PIEZO2: variants seen among roughly 807,000 people sequenced by gnomAD.
PIEZO2 encodes the protein piezo type mechanosensitive ion channel component 2, also known as piezo-type mechanosensitive ion channel component 2.
A neutral mutation model predicts 337.3 loss-of-function variants in PIEZO2; 172 were observed. The ratio of observed to expected loss-of-function variants is 0.51; its 90% CI spans 0.45 to 0.58. The LOEUF (loss-of-function observed/expected upper bound fraction) is 0.58. Among genes scored for constraint, PIEZO2 ranks in the 20% least tolerant of loss-of-function variants. The pLI is 0.00. For missense variants in PIEZO2, 3,028 were observed against 3,391.3 expected (o/e 0.89, Z 2.66); for synonymous variants, 1,251 against 1,228.5 (o/e 1.02, Z -0.38).
intron 5 of PIEZO2, 85 bp from the exon 6 acceptor site, chr18:10,857,296 C>A: frequency 2.6e-6 from 3 of 1,164,136 alleles, no homozygotes; most frequent in South Asian, 1.4e-5. Flanking sequence ...ATTCATGGGT[C>A]AGTCAACGTG....
intron 4 of PIEZO2, among the ~76,000 whole-genome samples, chr18:10,904,360 A>G (rs932998917): frequency 1.4e-4 from 21 of 152,240 alleles, no homozygotes; most frequent in African/African-American, 4.8e-4. Context: ...AATCTTGGGT[A>G]AAATACTTAA....
intron 3 of PIEZO2, among the ~76,000 whole-genome samples, chr18:10,951,001 CAGCTGAGAAGCTGGGGGAAA>C (rs2033266699): frequency 6.6e-6 from 1 of 152,160 alleles, no homozygotes; most frequent in African/African-American, 2.4e-5. Context: ...CCAACTGAAA[CAGCTGAGAAGCTGGGGGAAA>C]AAAACACTCA....
chr18:10,704,737 T>C, intron 41 of PIEZO2, 85 bp from the exon 42 acceptor site: 1 of 1,438,994 alleles, frequency 6.9e-7, no homozygotes, highest in African/African-American at 1.4e-5. Flanking sequence ...CAGGCTGGAG[T>C]GCAATGGCGT....
At chr18:10,728,853 G>T (rs1769520543) in intron 36 of PIEZO2, among the ~76,000 whole-genome samples, 1 of 151,424 alleles carries the variant, frequency 6.6e-6, no homozygotes, top group African/African-American at 2.4e-5. Context: ...TACGTGGGAG[G>T]CTGAGGCAGA....
intron 7 of PIEZO2, among the ~76,000 whole-genome samples, chr18:10,852,500 A>G (rs994435596): frequency 6.6e-6 from 1 of 152,218 alleles, no homozygotes; most frequent in African/African-American, 2.4e-5. Context: ...CTGTATAGAC[A>G]CAGTCAGCCA....
In PIEZO2 at chr18:10,724,593, A is replaced by G. The variant is rs1445039111; in HGVS notation, c.5030-6334T>C. On this transcript the variant is annotated intron_variant, in intron 36 of 55. Coordinates refer to ENST00000674853, the MANE Select transcript of PIEZO2 (RefSeq NM_001378183.1). The surrounding 1 kb of genome is among the most constrained non-coding windows in gnomAD (Gnocchi z 5.8). ...ACAGTGTGGGGAGTTGGAGTGACCCAGCTGGATGTGACCCCCAAGACAGAA... is the reference window on the plus strand; with the variant it reads ...ACAGTGTGGGGAGTTGGAGTGACCCGGCTGGATGTGACCCCCAAGACAGAA... The G allele has an allele frequency of 1.6e-6, 1 of 614,578 alleles. No individual in the cohort carries two copies. The highest frequency in any genetic ancestry group is 1.8e-5 in the African/African-American group (1 of 54,820). The allele number at this position is 614,578 out of a possible 1,614,324, so 38.1% of individuals were successfully genotyped here. A position where few individuals can be genotyped will look rare whatever the true frequency, so the allele number is the denominator to read the frequency against.
intron 2 of PIEZO2, among the ~76,000 whole-genome samples, chr18:11,041,145 T>C (rs973588142): frequency 6.6e-6 from 1 of 152,216 alleles, no homozygotes; most frequent in African/African-American, 2.4e-5. Context: ...ATGAAATGGT[T>C]TGTCTTCAAA....
intron 42 of PIEZO2, among the ~76,000 whole-genome samples, chr18:10,703,153 G>C (rs1333681857): frequency 6.6e-6 from 1 of 152,088 alleles, no homozygotes; most frequent in African/African-American, 2.4e-5. Flanking sequence ...TTATTTTTAA[G>C]GTGAAATCTA....
At chr18:10,987,556 A>G (rs1364639348) in intron 2 of PIEZO2, among the ~76,000 whole-genome samples, 1 of 152,168 alleles carries the variant, frequency 6.6e-6, no homozygotes, top group Non-Finnish European at 1.5e-5. Flanking sequence ...TACAAAAATC[A>G]ACTCAAAATG....
Position 10,982,377 on chromosome 18 carries a change from A to G in PIEZO2, c.161-2717T>C, listed in dbSNP as rs990726888. On this transcript the variant is annotated intron_variant, in intron 2 of 55. Transcript: ENST00000674853. The surrounding 1 kb of genome is among the most constrained non-coding windows in gnomAD (Gnocchi z 4.1). ...CGTTCTTGACAAAATTGTAAAAAAA[A>G]AATAGAAAAACAAATAATAGGTATA... 1.3e-5 allele frequency among the ~76,000 whole-genome samples: 2 copies of G among 152,286 alleles called. No individual in the cohort carries two copies. The highest frequency in any genetic ancestry group is 4.8e-5 in the African/African-American group (2 of 41,570).
chr18:10,782,378 A>G (rs1287020094), intron 17 of PIEZO2, among the ~76,000 whole-genome samples: 1 of 100,574 alleles, frequency 9.9e-6, no homozygotes, highest in Non-Finnish European at 1.8e-5. Flanking sequence ...TAATTATAAT[A>G]TATTATAATT....
intron 4 of PIEZO2, chr18:10,890,774 G>A (rs1224671672): frequency 1.3e-5 from 2 of 151,960 alleles, no homozygotes; most frequent in Non-Finnish European, 2.9e-5. Context: ...ATCATATCAA[G>A]GAATAAACTT....
intron 3 of PIEZO2, among the ~76,000 whole-genome samples, chr18:10,975,429 C>G (rs550697083): frequency 4.9e-4 from 75 of 152,020 alleles, no homozygotes; most frequent in Non-Finnish European, 9.7e-4. Flanking sequence ...TGTCCCCTGC[C>G]CCCATGGACT....
intron 2 of PIEZO2, among the ~76,000 whole-genome samples, chr18:11,064,439 T>C (rs775013570): frequency 6.6e-6 from 1 of 152,256 alleles, no homozygotes; most frequent in Non-Finnish European, 1.5e-5. Flanking sequence ...CCAGTGCACC[T>C]GTTTGTGCTC....
intron 4 of PIEZO2, among the ~76,000 whole-genome samples, chr18:10,905,885 G>T (rs1223232119): frequency 6.6e-6 from 1 of 152,158 alleles, no homozygotes. Context: ...CGGCACCAGG[G>T]TATTAAGAGA....
chr18:10,960,135 A>G (rs997911023), intron 3 of PIEZO2, among the ~76,000 whole-genome samples: 10 of 152,182 alleles, frequency 6.6e-5, no homozygotes, highest in African/African-American at 2.2e-4. Flanking sequence ...GGAATGCTTT[A>G]TATCTTTTTA....
intron 5 of PIEZO2, among the ~76,000 whole-genome samples, chr18:10,866,371 T>C (rs2042006063): frequency 6.6e-6 from 1 of 151,560 alleles, no homozygotes; most frequent in Non-Finnish European, 1.5e-5. Context: ...CTGCAACCTC[T>C]GCCTCCCAGG....
intron 2 of PIEZO2, among the ~76,000 whole-genome samples, chr18:11,019,609 A>G (rs1177750693): frequency 6.6e-6 from 1 of 152,132 alleles, no homozygotes; most frequent in Non-Finnish European, 1.5e-5. Flanking sequence ...CTTGTGACCT[A>G]TTGAATGGCC....
In PIEZO2 at chr18:10,888,984, A is replaced by T. The variant is rs945936122; in HGVS notation, c.330-17569T>A. On this transcript the variant is annotated intron_variant, in intron 4 of 55. Coordinates refer to ENST00000674853, the MANE Select transcript of PIEZO2 (RefSeq NM_001378183.1). The surrounding 1 kb of genome is among the most constrained non-coding windows in gnomAD (Gnocchi z 4.1). ...GTCATTTCATGATCCTAATGTGCAC[A>T]CTTTGTGGATACCAAAATCTCAATT... Among the ~76,000 whole-genome samples, 10 of 152,226 alleles carry T rather than the reference A, an allele frequency of 6.6e-5. No homozygotes were observed. Among genetic ancestry groups the T allele is most frequent in the African/African-American group, 2.2e-4 (9 of 41,458 alleles).
Sources: gnomAD v4.1 joint callset for allele counts (sites outside exome capture counted in the v4.1 genomes callset) on GRCh38, gnomAD v4.1.1 for gene constraint, Gnocchi (gnomAD v3.1) non-coding constraint, MANE v1.5 for transcripts, NCBI Gene and HGNC (gene_info 2026-07-23, HGNC 2026-07-21) for gene names.